Variants in AK7 observed in about 807,000 individuals in gnomAD.
AK7 encodes adenylate kinase 7.
In AK7, 78 loss-of-function variants were observed where a neutral mutation model predicts 96.6. That is an observed-to-expected ratio of 0.81 (90% CI 0.67 to 0.97). AK7 has a LOEUF of 0.97. Among genes scored for constraint, AK7 ranks in the 50% least tolerant of loss-of-function variants. AK7 has a pLI of 0.00. For missense variants in AK7, 855 were observed against 887.9 expected (o/e 0.96, Z 0.47); for synonymous variants, 302 against 317.2 (o/e 0.95, Z 0.51).
intron 6 of AK7, among the ~76,000 whole-genome samples, chr14:96,438,837 G>T (rs1892796904): frequency 6.6e-6 from 1 of 152,184 alleles, no homozygotes; most frequent in Non-Finnish European, 1.5e-5. Context: ...CTAAGACCTG[G>T]GTGGGCATGG....
At chr14:96,465,705 A>G (rs1307293844) in intron 12 of AK7, among the ~76,000 whole-genome samples, 1 of 151,896 alleles carries the variant, frequency 6.6e-6, no homozygotes, top group African/African-American at 2.4e-5. Flanking sequence ...CAAGTATTCA[A>G]GTAGGTGAGT....
rs1382268946 is a variant in AK7 at position 96,488,445 on chromosome 14, TC to T, written c.*103del. The stretch of plus-strand genomic sequence containing the variant: ...AATGCTTTTCCAGTTCTTAGAAAAT[TC>T]TTTTTTTGTAGACAAATATTCTATA... On this transcript the variant is annotated 3_prime_UTR_variant, in exon 18 of 18. Transcript: ENST00000267584. 1 of 1,066,482 alleles carries T rather than the reference TC, an allele frequency of 9.4e-7. No homozygotes were observed. Among genetic ancestry groups the T allele is most frequent in the Non-Finnish European group, 1.4e-6 (1 of 735,186 alleles). The allele number at this position is 1,066,482 out of a possible 1,614,324, so 66.1% of individuals were successfully genotyped here. A position where few individuals can be genotyped will look rare whatever the true frequency, so the allele number is the denominator to read the frequency against.
chr14:96,481,035 C>A (rs893700414), intron 15 of AK7, among the ~76,000 whole-genome samples: 2 of 152,196 alleles, frequency 1.3e-5, no homozygotes, highest in Non-Finnish European at 2.9e-5. Context: ...TACTCTCCCC[C>A]TCTGTGGCCT....
chr14:96,420,960 A>T, intron 5 of AK7, 28 bp downstream of exon 5: 1 of 1,448,518 alleles, frequency 6.9e-7, no homozygotes, highest in Non-Finnish European at 9.7e-7. Flanking sequence ...GAACATGGAC[A>T]TCATCTGAAG....
chr14:96,471,204 C>T (rs761273799), intron 12 of AK7, among the ~76,000 whole-genome samples: 3 of 151,760 alleles, frequency 2.0e-5, no homozygotes, highest in Admixed American at 6.6e-5. Flanking sequence ...TGGTGGCAAG[C>T]GCCTATAGTC....
At chr14:96,449,056 C>T (rs191938287) in intron 8 of AK7, among the ~76,000 whole-genome samples, 6 of 152,194 alleles carry the variant, frequency 3.9e-5, no homozygotes, top group Non-Finnish European at 5.9e-5. Flanking sequence ...CTTCTCCGTG[C>T]GTCCTCACAT....
At chr14:96,422,015 T>C (rs145218317) in intron 5 of AK7, among the ~76,000 whole-genome samples, 12,961 of 152,130 alleles carry the variant, frequency 0.085, 634 homozygotes, top group East Asian at 0.12. Context: ...ACACACAAGA[T>C]AGTGAAAGCT....
At chr14:96,398,290 G>T (rs1311376882) in intron 2 of AK7, 27 bp downstream of exon 2, 5 of 1,609,894 alleles carry the variant, frequency 3.1e-6, no homozygotes, top group Non-Finnish European at 3.4e-6. Context: ...CTGGCCAGGA[G>T]TAGACAGAGG....
In AK7 at chr14:96,449,866, C is replaced by T. The variant is rs772016892; in HGVS notation, c.935C>T (p.Thr312Ile). 2 of 1,607,578 alleles carry T rather than the reference C, an allele frequency of 1.2e-6. No homozygotes were observed. ...ATACCCAGAGAAAATGCATACCTAA[C>T]CAAGGACTTAACGGTTAGTATATGC... ...QKIPRENAYL[T>I]KDLTQDCLDH... Residue 312 changes from threonine to isoleucine, a missense_variant, in exon 9 of 18, where the codon ACC (threonine) becomes ATC (isoleucine). By Grantham distance (89) the Thr-to-Ile change is moderately conservative. Transcript: ENST00000267584.
At chr14:96,400,281 C>T (rs1186968885) in intron 2 of AK7, among the ~76,000 whole-genome samples, 1 of 152,078 alleles carries the variant, frequency 6.6e-6, no homozygotes, top group Non-Finnish European at 1.5e-5. Flanking sequence ...CTTAGATGAT[C>T]TGCCCACCTT....
intron 13 of AK7, among the ~76,000 whole-genome samples, chr14:96,471,822 T>C (rs761049897): frequency 3.3e-5 from 5 of 152,078 alleles, no homozygotes; most frequent in Non-Finnish European, 5.9e-5. Context: ...TTTTTTAAAA[T>C]TTTATTTTAT....
chr14:96,407,900 A>G (rs1282543509), intron 3 of AK7, among the ~76,000 whole-genome samples: 2 of 152,078 alleles, frequency 1.3e-5, no homozygotes, highest in Non-Finnish European at 2.9e-5. Context: ...TGAAAATTAT[A>G]CATCATGAAG....
At chr14:96,448,343 G>A (rs895429203) in intron 8 of AK7, among the ~76,000 whole-genome samples, 1 of 151,892 alleles carries the variant, frequency 6.6e-6, no homozygotes, top group East Asian at 1.9e-4. Flanking sequence ...GCAAGATCAA[G>A]GCAGATTCAG....
At chr14:96,444,335 T>C (rs1893116139) in intron 7 of AK7, among the ~76,000 whole-genome samples, 1 of 152,212 alleles carries the variant, frequency 6.6e-6, no homozygotes, top group Non-Finnish European at 1.5e-5. Flanking sequence ...ATTATTAATA[T>C]AACTTACTTG....
intron 3 of AK7, among the ~76,000 whole-genome samples, chr14:96,406,923 C>T (rs1231948407): frequency 6.6e-6 from 1 of 152,202 alleles, no homozygotes; most frequent in Non-Finnish European, 1.5e-5. Context: ...AAGCGATCCT[C>T]AGCCTCCAAC....
At chr14:96,434,410 C>G (rs937124754) in intron 5 of AK7, among the ~76,000 whole-genome samples, 2 of 130,576 alleles carry the variant, frequency 1.5e-5, no homozygotes, top group African/African-American at 5.9e-5. Context: ...TATACAGTCT[C>G]TCTGTCTGTC....
intron 14 of AK7, 51 bp from the exon 15 acceptor site, chr14:96,478,413 CT>C: frequency 2.5e-6 from 4 of 1,587,548 alleles, no homozygotes; most frequent in Non-Finnish European, 3.5e-6. Context: ...CAGCACCCTG[CT>C]AGTTAGCTGC....
At chr14:96,472,075 A>G (rs1894925896) in intron 13 of AK7, among the ~76,000 whole-genome samples, 1 of 152,128 alleles carries the variant, frequency 6.6e-6, no homozygotes, top group African/African-American at 2.4e-5. Context: ...TTCCCCATGT[A>G]AGTGGAATCA....
chr14:96,442,713 G>C lies in AK7; in HGVS notation c.691-17G>C. 6.2e-7 allele frequency: 1 copy of C among 1,605,496 alleles called. No individual in the cohort carries two copies. Among genetic ancestry groups the C allele is most frequent in the Non-Finnish European group, 8.5e-7 (1 of 1,172,144 alleles). On this transcript the variant is annotated splice_polypyrimidine_tract_variant and intron_variant, in intron 6 of 17. Transcript: ENST00000267584. ...ACATATAACTGGGGGACATGATTTT[G>C]CTTTTCTTCCTTTCAGATGGCTTGG...
Sources: gnomAD v4.1 joint callset for allele counts (sites outside exome capture counted in the v4.1 genomes callset) on GRCh38, gnomAD v4.1.1 for gene constraint, MANE v1.5 for transcripts, NCBI Gene and HGNC (gene_info 2026-07-23, HGNC 2026-07-21) for gene names.